The following AKAP7 variants were observed in gnomAD, a reference collection of about 807,000 sequenced individuals.
AKAP7 encodes A-kinase anchoring protein 7.
In AKAP7, 39 loss-of-function variants were observed where a neutral mutation model predicts 39.5. The observed-to-expected ratio is 0.99, with a 90% CI of 0.76 to 1.29. The LOEUF is 1.29. AKAP7 is among the 50% of genes most tolerant of loss of function. The pLI, the probability that AKAP7 is intolerant of heterozygous loss-of-function variation, is 0.00. For synonymous variants in AKAP7, 140 were observed against 139.1 expected, an observed-to-expected ratio of 1.01 and a Z score of -0.05; for missense variants, 414 against 407.7, an observed-to-expected ratio of 1.02 and a Z score of -0.13.
chr6:131,200,625 A>G (rs757449582), intron 6 of AKAP7, among the ~76,000 whole-genome samples: 1 of 152,164 alleles, frequency 6.6e-6, no homozygotes, highest in South Asian at 2.1e-4. Flanking sequence ...TCTACAAACT[A>G]TTGCTGAAAA....
At chr6:131,147,229 A>T (rs532034476) in intron 2 of AKAP7, among the ~76,000 whole-genome samples, 13 of 152,286 alleles carry the variant, frequency 8.5e-5, no homozygotes, top group African/African-American at 2.2e-4. Context: ...TTGTTTAAAA[A>T]TTTTTTTAAA....
intron 5 of AKAP7, among the ~76,000 whole-genome samples, chr6:131,192,361 A>G (rs1806498142): frequency 6.6e-6 from 1 of 152,150 alleles, no homozygotes; most frequent in Admixed American, 6.6e-5. Flanking sequence ...TCTGCATTGT[A>G]TGCTCTTGGC....
chr6:131,198,965 G>C (rs1004061088), intron 5 of AKAP7, among the ~76,000 whole-genome samples: 1 of 152,112 alleles, frequency 6.6e-6, no homozygotes, highest in African/African-American at 2.4e-5. Flanking sequence ...GACTCTATCT[G>C]TTTCATCTCC....
In AKAP7 at chr6:131,145,339, A is replaced by G. The variant is rs995203243; in HGVS notation, c.74A>G (p.Glu25Gly). The change falls in exon 2 of 8, where the codon GAG becomes GGG. Residue 25 changes from glutamate (E) to glycine (G), a missense_variant. Transcript: ENST00000431975. ...ENVSRKKKMS[E>G]EFEANTMDSL... ...GTATCAAGAAAAAAGAAAATGTCAG[A>G]GGAATTTGAAGCCAATACTATGGAT... The G allele has an allele frequency of 5.1e-6, 8 of 1,568,346 alleles. No individual in the cohort carries two copies. The highest frequency in any genetic ancestry group is 6.1e-6 in the Non-Finnish European group (7 of 1,153,074).
chr6:131,184,293 T>C lies in AKAP7; in HGVS notation c.589+15020T>C, dbSNP rs574845592. ...ATGAAGTGGAGGAGAGAAACAGCCT[T>C]AGATATGTCGGGGAGCAGGGGGGTG... On this transcript the variant is annotated intron_variant, in intron 5 of 7. Coordinates refer to ENST00000431975, the MANE Select transcript of AKAP7 (RefSeq NM_016377.4). 3.6e-5 allele frequency: 20 copies of C among 560,824 alleles called. 1 individual carries two copies. The highest frequency in any genetic ancestry group is 3.0e-4 in the South Asian group (20 of 67,120). 34.7% of individuals were successfully genotyped at this position (560,824 alleles called of 1,614,324 possible).
intron 6 of AKAP7, among the ~76,000 whole-genome samples, chr6:131,218,391 A>G (rs990873170): frequency 6.6e-6 from 1 of 152,236 alleles, no homozygotes; most frequent in Non-Finnish European, 1.5e-5. Context: ...CTGGTTATCA[A>G]ATAGTACTCA....
intron 7 of AKAP7, among the ~76,000 whole-genome samples, chr6:131,221,869 C>G (rs1436608943): frequency 6.6e-6 from 1 of 152,174 alleles, no homozygotes; most frequent in Non-Finnish European, 1.5e-5. Context: ...CCCAAGAACT[C>G]TGATGGAAAT....
intron 7 of AKAP7, among the ~76,000 whole-genome samples, chr6:131,240,598 GGGC>G (rs1367581928): frequency 2.0e-5 from 3 of 152,212 alleles, no homozygotes; most frequent in Admixed American, 2.0e-4. Context: ...ACTCAAGCCG[GGGC>G]AATGGCGGGT....
intron 5 of AKAP7, among the ~76,000 whole-genome samples, chr6:131,195,335 TTTGTC>T (rs1162532887): frequency 6.6e-6 from 1 of 152,140 alleles, no homozygotes; most frequent in Non-Finnish European, 1.5e-5. Context: ...ACACCTTAAC[TTTGTC>T]TTCTCACTTG....
At chr6:131,183,186 G>A (rs1439031995) in intron 5 of AKAP7, among the ~76,000 whole-genome samples, 1 of 152,200 alleles carries the variant, frequency 6.6e-6, no homozygotes, top group Non-Finnish European at 1.5e-5. Flanking sequence ...GTGAGTTAGG[G>A]CCTGCCTGCG....
chr6:131,173,156 G>A (rs550633491), intron 5 of AKAP7, among the ~76,000 whole-genome samples: 4 of 148,346 alleles, frequency 2.7e-5, no homozygotes, highest in Admixed American at 1.4e-4. Flanking sequence ...AGCCGAGATC[G>A]TGCCACTGCA....
intron 7 of AKAP7, among the ~76,000 whole-genome samples, chr6:131,248,361 CTA>C (rs1812198834): frequency 6.6e-6 from 1 of 152,160 alleles, no homozygotes. Flanking sequence ...TTTCCTGACT[CTA>C]AAGGTTTTAT....
chr6:131,166,391 C>G (rs1379861511), intron 4 of AKAP7, among the ~76,000 whole-genome samples: 2 of 152,202 alleles, frequency 1.3e-5, no homozygotes, highest in African/African-American at 4.8e-5. Context: ...GGTCAGGATT[C>G]TCCAGAGAAA....
chr6:131,214,225 A>G (rs1808940423), intron 6 of AKAP7, among the ~76,000 whole-genome samples: 1 of 152,210 alleles, frequency 6.6e-6, no homozygotes, highest in South Asian at 2.1e-4. Flanking sequence ...TCAGTAGTAG[A>G]TTTAAAATGT....
At chr6:131,220,803 G>A (rs1036824734) in intron 7 of AKAP7, among the ~76,000 whole-genome samples, 2 of 151,960 alleles carry the variant, frequency 1.3e-5, no homozygotes, top group Non-Finnish European at 2.9e-5. Flanking sequence ...ATCTGTTATG[G>A]TGATCAGTGA....
chr6:131,185,286 A>G, intron 5 of AKAP7: 1 of 472,518 alleles, frequency 2.1e-6, no homozygotes, highest in Non-Finnish European at 4.0e-6. Flanking sequence ...GTAGTTGTCC[A>G]GAGGCCAATC....
intron 7 of AKAP7, among the ~76,000 whole-genome samples, chr6:131,242,958 G>T (rs1464546628): frequency 1.3e-5 from 2 of 152,118 alleles, no homozygotes; most frequent in East Asian, 3.9e-4. Flanking sequence ...ACGCTGGTAG[G>T]GCCCAATGAG....
chr6:131,197,970 A>G (rs1807117115), intron 5 of AKAP7, among the ~76,000 whole-genome samples: 1 of 152,194 alleles, frequency 6.6e-6, no homozygotes, highest in Non-Finnish European at 1.5e-5. Context: ...GAAGTGGTGT[A>G]TCAAGCGAAT....
chr6:131,141,284 T>TA (rs993606406), intron 1 of AKAP7, among the ~76,000 whole-genome samples: 2 of 152,070 alleles, frequency 1.3e-5, no homozygotes, highest in Non-Finnish European at 2.9e-5. Context: ...TCTAGTTGAT[T>TA]AAGAGAGGCT....
Sources: allele counts gnomAD v4.1 joint callset (sites outside exome capture counted in the v4.1 genomes callset), GRCh38; gene constraint gnomAD v4.1.1; transcripts MANE v1.5; gene names NCBI Gene and HGNC (gene_info 2026-07-23, HGNC 2026-07-21).